The following ARHGEF10L variants were observed in gnomAD, a reference collection of about 807,000 sequenced individuals.
The protein encoded by ARHGEF10L is rho guanine nucleotide exchange factor 10-like protein.
In ARHGEF10L, 69 loss-of-function variants were observed where a neutral mutation model predicts 141.2. The observed-to-expected ratio is 0.49, with a 90% CI of 0.40 to 0.60. The LOEUF is 0.60. Among genes scored for constraint, ARHGEF10L ranks in the 20% least tolerant of loss-of-function variants. The pLI is 0.00. For synonymous variants in ARHGEF10L, 711 were observed against 718.5 expected (o/e 0.99, Z 0.17); for missense variants, 1,482 against 1,734.3 (o/e 0.85, Z 2.58).
At position 17,696,894 on chromosome 1, in the gene ARHGEF10L, C is replaced by A. The variant is rs200075701; in HGVS notation, c.3354C>A (p.Phe1118Leu). 23 of 1,602,196 alleles carry A rather than the reference C, an allele frequency of 1.4e-5. No homozygotes were observed. The highest frequency in any genetic ancestry group is 2.0e-5 in the Non-Finnish European group (23 of 1,174,024). The change falls in exon 29 of 29, where the codon TTC becomes TTA. Residue 1118 changes from phenylalanine (F) to leucine (L), a missense_variant. Transcript: ENST00000361221. ...SLNGHCGPVA[F>L]LAVATSILAP... is the part of the protein sequence containing the mutation. ...ACGGGCACTGTGGGCCTGTGGCCTT[C>A]CTGGCTGTGGCTACCAGCATCCTGG...
rs2060357990 is a variant in ARHGEF10L, at chr1:17,625,922, G to A, written c.1318-34G>A. 6.3e-7 allele frequency: 1 copy of A among 1,598,934 alleles called. No homozygotes were observed. Among genetic ancestry groups the A allele is most frequent in the Non-Finnish European group, 8.6e-7 (1 of 1,166,976 alleles). ...TGGGGCACTGGGCCCTCTCTGCAGGGGGTCAGCGAATGACGGAACCTTGTC... is the reference window on the plus strand; with the variant it reads ...TGGGGCACTGGGCCCTCTCTGCAGGAGGTCAGCGAATGACGGAACCTTGTC... On this transcript the variant is annotated intron_variant, in intron 13 of 28. Transcript: ENST00000361221. The surrounding 1 kb of genome is among the most constrained non-coding windows in gnomAD (Gnocchi z 4.5).
intron 4 of ARHGEF10L, 142 bp downstream of exon 4, chr1:17,588,621 C>A: frequency 9.7e-7 from 1 of 1,035,048 alleles, no homozygotes; most frequent in Non-Finnish European, 1.4e-6. Flanking sequence ...GGCCCTGTGC[C>A]CTGGGGGAAG....
intron 4 of ARHGEF10L, among the ~76,000 whole-genome samples, chr1:17,590,695 C>T (rs1259593454): frequency 6.6e-6 from 1 of 152,070 alleles, no homozygotes; most frequent in African/African-American, 2.4e-5. Flanking sequence ...AGAAAGCAAA[C>T]AGCATGTCAG....
At chr1:17,633,901 C>G (rs1278804084) in intron 16 of ARHGEF10L, among the ~76,000 whole-genome samples, 1 of 152,120 alleles carries the variant, frequency 6.6e-6, no homozygotes, top group East Asian at 1.9e-4. Flanking sequence ...TGTTTCAGGA[C>G]CTGTGCACTC....
At chr1:17,655,478 TCTATCC>T (rs1407707399) in intron 23 of ARHGEF10L, among the ~76,000 whole-genome samples, 92 of 116,510 alleles carry the variant, frequency 7.9e-4, no homozygotes, top group Middle Eastern at 4.7e-3. Context: ...CATCCATCCA[TCTATCC>T]ATCCATCCAT....
intron 15 of ARHGEF10L, among the ~76,000 whole-genome samples, chr1:17,631,216 C>T (rs566072680): frequency 8.5e-5 from 13 of 152,126 alleles, no homozygotes; most frequent in South Asian, 4.2e-4. Flanking sequence ...TAATGGTTGT[C>T]GTCAGAGTCA....
the ARHGEF10L span, among the ~76,000 whole-genome samples, chr1:17,529,434 A>G: frequency 4.6e-5 from 7 of 152,242 alleles, no homozygotes; most frequent in Non-Finnish European, 8.8e-5. Context: ...GCAGACCCCA[A>G]GCCAGCTTCT....
intron 25 of ARHGEF10L, among the ~76,000 whole-genome samples, chr1:17,658,717 G>A (rs572414464): frequency 6.6e-6 from 1 of 152,218 alleles, no homozygotes; most frequent in East Asian, 1.9e-4. Context: ...AGAGGGAGAG[G>A]GAATCGGTTA....
At chr1:17,628,116 T>A (rs1419071219) in intron 15 of ARHGEF10L, among the ~76,000 whole-genome samples, 1 of 151,646 alleles carries the variant, frequency 6.6e-6, no homozygotes, top group Non-Finnish European at 1.5e-5. Context: ...GGCAGGCAGA[T>A]CACCTGAGGT....
intron 1 of ARHGEF10L, among the ~76,000 whole-genome samples, chr1:17,575,848 C>A (rs551186147): frequency 2.6e-5 from 4 of 152,288 alleles, no homozygotes; most frequent in Non-Finnish European, 5.9e-5. Flanking sequence ...TGGTCTTTCC[C>A]CCCATTCCCC....
rs1005772471 is a variant in ARHGEF10L, at chr1:17,616,003, C to T, written c.727-91C>T. ...GGAAGGGTCTGGGTGGTTCTGATCT[C>T]TGCAGGCCGAGGCCTGGGGAGGCGG... On this transcript the variant is annotated intron_variant, in intron 8 of 28. Transcript: ENST00000361221. The T allele has an allele frequency of 3.7e-6, 4 of 1,082,544 alleles. No individual in the cohort carries two copies. In the South Asian group the frequency reaches 5.3e-5, roughly 14 times the overall value. The allele number at this position is 1,082,544 out of a possible 1,614,324, so 67.1% of individuals were successfully genotyped here.
At position 17,573,723 on chromosome 1, in the gene ARHGEF10L, C is replaced by T. The variant is rs1357709937; in HGVS notation, c.-43-6830C>T. On this transcript the variant is annotated intron_variant, in intron 1 of 28. Transcript: ENST00000361221. The surrounding 1 kb of genome is among the most constrained non-coding windows in gnomAD (Gnocchi z 4.8). The stretch of plus-strand genomic sequence containing the variant: ...CCCCCAGGGGTCCCCTCTGGCCTGG[C>T]CTCAGGGTCGGCTCCTTCCCACAGA... Among the ~76,000 whole-genome samples, 3 of 151,978 alleles carry T rather than the reference C, an allele frequency of 2.0e-5. No homozygotes were observed. Among genetic ancestry groups the T allele is most frequent in the African/African-American group, 4.8e-5 (2 of 41,390 alleles).
chr1:17,621,562 T>A lies in ARHGEF10L; in HGVS notation c.943-302T>A, dbSNP rs575405983. Among the ~76,000 whole-genome samples the A allele has an allele frequency of 6.6e-6, 1 of 152,296 alleles. No homozygotes were observed. Among genetic ancestry groups the A allele is most frequent in the East Asian group, 1.9e-4 (1 of 5,172 alleles). On this transcript the variant is annotated intron_variant, in intron 10 of 28. Transcript: ENST00000361221. This position sits in a 1 kb window ranked among gnomAD's most constrained non-coding sequence, Gnocchi z 4.1. ...ATTTTCTATTAGAGTTGTCCAAAGATGGAGGTGGTCACCCGCCACCATGGA... is the reference window on the plus strand; with the variant it reads ...ATTTTCTATTAGAGTTGTCCAAAGAAGGAGGTGGTCACCCGCCACCATGGA...
At chr1:17,566,369 G>A (rs961149521) in intron 1 of ARHGEF10L, among the ~76,000 whole-genome samples, 1 of 152,256 alleles carries the variant, frequency 6.6e-6, no homozygotes, top group Non-Finnish European at 1.5e-5. Context: ...CCCTGGTTGA[G>A]AACCATGGCC....
rs373355133 is a variant in ARHGEF10L, at chr1:17,583,963, T to C, written c.37+3331T>C. Among the ~76,000 whole-genome samples, 4 of 152,308 alleles carry C rather than the reference T, an allele frequency of 2.6e-5. No homozygotes were observed. The East Asian group carries it at 5.8e-4, about 22-fold the overall frequency. On this transcript the variant is annotated intron_variant, in intron 2 of 28. Coordinates refer to ENST00000361221, the MANE Select transcript of ARHGEF10L (RefSeq NM_018125.4). ...AATTCCTGGGCTCAAGCCATTCTCCTGCTACAGCCTCCTGAGTAGCTGAGA... is the reference window on the plus strand; with the variant it reads ...AATTCCTGGGCTCAAGCCATTCTCCCGCTACAGCCTCCTGAGTAGCTGAGA...
intron 1 of ARHGEF10L, among the ~76,000 whole-genome samples, chr1:17,555,318 T>G (rs901661154): frequency 3.3e-5 from 5 of 152,096 alleles, no homozygotes; most frequent in African/African-American, 1.2e-4. Flanking sequence ...TCCCCAAATA[T>G]ACAGATTGAC....
intron 25 of ARHGEF10L, 21 bp from the exon 26 acceptor site, chr1:17,664,426 G>C (rs2062841524): frequency 6.3e-7 from 1 of 1,597,878 alleles, no homozygotes; most frequent in African/African-American, 1.3e-5. Flanking sequence ...CCCCTGACCT[G>C]CCTCCCCTCT....
At chr1:17,554,557 C>G (rs1158740322) in intron 1 of ARHGEF10L, among the ~76,000 whole-genome samples, 1 of 148,826 alleles carries the variant, frequency 6.7e-6, no homozygotes, top group African/African-American at 2.4e-5. Flanking sequence ...TCCTCAGCCT[C>G]CCTCCCTCCC....
Position 17,619,553 on chromosome 1 carries a change from T to C in ARHGEF10L, c.942+108T>C. On this transcript the variant is annotated intron_variant, in intron 10 of 28. Coordinates refer to ENST00000361221, the MANE Select transcript of ARHGEF10L (RefSeq NM_018125.4). The surrounding 1 kb of genome is among the most constrained non-coding windows in gnomAD (Gnocchi z 5.0). ...TGTCTGGATCTCACAGGGGATATGATGACTGGGGGCTCTTGGCAGAGCCCA... is the reference window on the plus strand; with the variant it reads ...TGTCTGGATCTCACAGGGGATATGACGACTGGGGGCTCTTGGCAGAGCCCA... 3.4e-6 allele frequency: 3 copies of C among 890,532 alleles called. No homozygotes were observed. Among genetic ancestry groups the C allele is most frequent in the African/African-American group, 1.7e-5 (1 of 58,466 alleles). The allele number at this position is 890,532 out of a possible 1,614,324, so 55.2% of individuals were successfully genotyped here. A position where few individuals can be genotyped will look rare whatever the true frequency, so the allele number is the denominator to read the frequency against.
Sources: gnomAD v4.1 joint callset for allele counts (sites outside exome capture counted in the v4.1 genomes callset) on GRCh38, gnomAD v4.1.1 for gene constraint, Gnocchi (gnomAD v3.1) non-coding constraint, MANE v1.5 for transcripts, NCBI Gene and HGNC (gene_info 2026-07-23, HGNC 2026-07-21) for gene names.